The following C12orf56 variants were observed in gnomAD, a reference collection of about 807,000 sequenced individuals.
C12orf56 encodes uncharacterized protein C12orf56.
In C12orf56, 71 loss-of-function variants were observed where a neutral mutation model predicts 69.9. The observed-to-expected ratio is 1.02, with a 90% confidence interval of 0.84 to 1.24. The LOEUF (loss-of-function observed/expected upper bound fraction) is 1.24. Among genes scored for constraint, C12orf56 ranks in the 50% most tolerant of loss-of-function variants. The pLI is 0.00. For synonymous variants in C12orf56, 276 were observed against 274.1 expected (o/e 1.01, Z -0.07); for missense variants, 732 against 738.5 (o/e 0.99, Z 0.10).
intron 11 of C12orf56, among the ~76,000 whole-genome samples, chr12:64,272,856 A>G (rs926265064): frequency 2.0e-5 from 3 of 152,180 alleles, no homozygotes; most frequent in Non-Finnish European, 4.4e-5. Flanking sequence ...TCTACTGACA[A>G]ATGTACCCTC....
intron 1 of C12orf56, among the ~76,000 whole-genome samples, chr12:64,365,359 G>A (rs899887704): frequency 3.2e-4 from 48 of 151,738 alleles, no homozygotes; most frequent in African/African-American, 1.1e-3. Flanking sequence ...TAGAGATGGG[G>A]TTTCACTATG....
At chr12:64,346,269 C>G (rs2039140497) in intron 2 of C12orf56, among the ~76,000 whole-genome samples, 1 of 152,108 alleles carries the variant, frequency 6.6e-6, no homozygotes, top group Non-Finnish European at 1.5e-5. Context: ...CAGGAAGCAT[C>G]CAGCACAGGA....
chr12:64,306,420 T>G lies in C12orf56; in HGVS notation c.969-2641A>C, dbSNP rs899145741. On this transcript the variant is annotated intron_variant, in intron 5 of 12. Transcript: ENST00000543942. ...AAAATAGTGTTGCAGGAAGGTTTTGTTTTTTTTTTTTTTTTTAGACAGAGT... is the reference window on the plus strand; with the variant it reads ...AAAATAGTGTTGCAGGAAGGTTTTGGTTTTTTTTTTTTTTTTAGACAGAGT... Among the ~76,000 whole-genome samples the G allele has an allele frequency of 6.1e-5, 8 of 132,026 alleles. No individual in the cohort carries two copies. In the East Asian group the frequency reaches 1.7e-3, roughly 28 times the overall value. The allele number at this position is 132,026 out of a possible 152,430, so 86.6% of individuals were successfully genotyped here. A position where few individuals can be genotyped will look rare whatever the true frequency, so the allele number is the denominator to read the frequency against.
At chr12:64,379,051 CAAA>C (rs59633826) in intron 1 of C12orf56, among the ~76,000 whole-genome samples, 24 of 121,520 alleles carry the variant, frequency 2.0e-4, no homozygotes, top group Non-Finnish European at 1.8e-4. Flanking sequence ...AACCCTGTCT[CAAA>C]AAAAAAAAAA....
Position 64,266,986 on chromosome 12 carries a change from T to A in C12orf56, c.*197A>T. The A allele has an allele frequency of 3.9e-6, 2 of 511,522 alleles. No individual in the cohort carries two copies. The highest frequency in any genetic ancestry group is 6.7e-6 in the Non-Finnish European group (2 of 296,952). The allele number at this position is 511,522 out of a possible 1,614,324, so 31.7% of individuals were successfully genotyped here. ...TGGCATAAAGATCTTTGCACACTTA[T>A]AATAAATCAAATTTATTTTTTAAAA... is the stretch of plus-strand genomic sequence containing the variant. On this transcript the variant is annotated 3_prime_UTR_variant, in exon 13 of 13. Coordinates refer to ENST00000543942, the MANE Select transcript of C12orf56 (RefSeq NM_001170633.2).
chr12:64,271,200 C>G (rs2334885), intron 11 of C12orf56, among the ~76,000 whole-genome samples: 106,126 of 150,794 alleles, frequency 0.7, 38,425 homozygotes, highest in Non-Finnish European at 0.8. Context: ...GGGCACTGTG[C>G]CTCATCTGTA....
chr12:64,295,063 A>G (rs1307529991), intron 6 of C12orf56, among the ~76,000 whole-genome samples: 1 of 152,032 alleles, frequency 6.6e-6, no homozygotes, highest in Non-Finnish European at 1.5e-5. Flanking sequence ...TTGTATTTTT[A>G]GTAAAGATGG....
rs796278604 is a variant in C12orf56 at position 64,316,137 on chromosome 12, C to A, written c.894+2438G>T. Among the ~76,000 whole-genome samples the A allele has an allele frequency of 5.3e-5, 8 of 151,944 alleles. 1 individual carries two copies. Among genetic ancestry groups the A allele is most frequent in the African/African-American group, 1.7e-4 (7 of 41,442 alleles). ...ATATTTTTTTTCAGACAGAGTCTCACTGTATTACACAGGCTGGAGTGCAAG... is the reference window on the plus strand; with the variant it reads ...ATATTTTTTTTCAGACAGAGTCTCAATGTATTACACAGGCTGGAGTGCAAG... On this transcript the variant is annotated intron_variant, in intron 4 of 12. Transcript: ENST00000543942.
chr12:64,296,421 T>G (rs1472727473), intron 6 of C12orf56, among the ~76,000 whole-genome samples: 2 of 152,206 alleles, frequency 1.3e-5, no homozygotes, highest in Non-Finnish European at 2.9e-5. Context: ...CCTTTTGGAA[T>G]GGGAATGTCT....
chr12:64,281,589 A>T (rs564490094), intron 8 of C12orf56, among the ~76,000 whole-genome samples: 2 of 152,200 alleles, frequency 1.3e-5, no homozygotes, highest in South Asian at 4.1e-4. Context: ...ATAAAAGAAA[A>T]AAGAAAACGA....
intron 9 of C12orf56, among the ~76,000 whole-genome samples, chr12:64,276,079 TG>T (rs1319318036): frequency 6.6e-6 from 1 of 151,438 alleles, no homozygotes; most frequent in African/African-American, 2.4e-5. Context: ...ATTCCTTCTG[TG>T]GGATGGATAA....
intron 6 of C12orf56, among the ~76,000 whole-genome samples, chr12:64,298,223 A>T (rs1448919881): frequency 6.6e-6 from 1 of 151,708 alleles, no homozygotes; most frequent in Non-Finnish European, 1.5e-5. Context: ...CCACTTTTTG[A>T]TGGGGTTGTT....
At chr12:64,364,556 T>C (rs11175364) in intron 1 of C12orf56, among the ~76,000 whole-genome samples, 39,991 of 151,788 alleles carry the variant, frequency 0.26, 5,477 homozygotes, top group Middle Eastern at 0.48. Context: ...GCTTCCCTGG[T>C]TGGCAACACT....
At chr12:64,278,315 T>G (rs2038081952) in intron 8 of C12orf56, among the ~76,000 whole-genome samples, 1 of 152,094 alleles carries the variant, frequency 6.6e-6, no homozygotes, top group African/African-American at 2.4e-5. Context: ...TTTTCTTTTT[T>G]TAGGTTTGTT....
intron 2 of C12orf56, among the ~76,000 whole-genome samples, chr12:64,335,785 C>G (rs2038989120): frequency 6.6e-6 from 1 of 152,126 alleles, no homozygotes; most frequent in South Asian, 2.1e-4. Context: ...AGTGTTTTTA[C>G]TAGAAATGAT....
At chr12:64,347,178 A>T (rs1020182031) in intron 2 of C12orf56, among the ~76,000 whole-genome samples, 1 of 151,522 alleles carries the variant, frequency 6.6e-6, no homozygotes, top group African/African-American at 2.4e-5. Flanking sequence ...GGGTTTTACC[A>T]TGTTGGCCAG....
Position 64,267,295 on chromosome 12 carries a change from A to AGT in C12orf56, c.1764-8_1764-7insAC. On this transcript the variant is annotated splice_polypyrimidine_tract_variant and splice_region_variant and intron_variant, in intron 12 of 12. Transcript: ENST00000543942. ...TGGCATGTGAATAAAGTACCTGCAA[A>AGT]TCATAAAAAGAAACAAAATAGAGAG... 1 of 1,594,980 alleles carries AGT rather than the reference A, an allele frequency of 6.3e-7. No homozygotes were observed. Among genetic ancestry groups the AGT allele is most frequent in the South Asian group, 1.1e-5 (1 of 88,048 alleles).
At chr12:64,268,772 G>A (rs1216334123) in intron 12 of C12orf56, among the ~76,000 whole-genome samples, 1 of 152,012 alleles carries the variant, frequency 6.6e-6, no homozygotes, top group Non-Finnish European at 1.5e-5. Context: ...TGGGAATTGG[G>A]TTGTTTGGAC....
chr12:64,315,200 C>T (rs1327887237), intron 4 of C12orf56, among the ~76,000 whole-genome samples: 1 of 151,940 alleles, frequency 6.6e-6, no homozygotes, highest in African/African-American at 2.4e-5. Context: ...GATCCAACTG[C>T]CTCAGCCACC....
Sources: gnomAD v4.1 joint callset for allele counts (sites outside exome capture counted in the v4.1 genomes callset) on GRCh38, gnomAD v4.1.1 for gene constraint, MANE v1.5 for transcripts, NCBI Gene and HGNC (gene_info 2026-07-23, HGNC 2026-07-21) for gene names.